Variants in GALNT9 observed in about 807,000 individuals in gnomAD.
GALNT9 encodes polypeptide N-acetylgalactosaminyltransferase 9.
Under a neutral mutation model 63.1 loss-of-function variants are expected in GALNT9, and 47 were observed. The observed-to-expected ratio is 0.75, with a 90% CI of 0.59 to 0.95. The LOEUF is 0.95. GALNT9 is among the 40% of genes least tolerant of loss of function. The probability of loss-of-function intolerance (pLI) is 0.00; values close to 1 mark genes in which losing one functional copy is unlikely to be tolerated. For missense variants in GALNT9, 829 were observed against 874.8 expected, an observed-to-expected ratio of 0.95 and a Z score of 0.66; for synonymous variants, 396 against 365.7, an observed-to-expected ratio of 1.08 and a Z score of -0.94.
At position 132,196,681 on chromosome 12, in the gene GALNT9, G is replaced by T. The variant is rs1290075386; in HGVS notation, c.*426C>A. 1.0e-6 allele frequency: 1 copy of T among 1,003,074 alleles called. No individual in the cohort carries two copies. Among genetic ancestry groups the T allele is most frequent in the East Asian group, 1.1e-4 (1 of 9,342 alleles). The allele number at this position is 1,003,074 out of a possible 1,614,324, so 62.1% of individuals were successfully genotyped here. ...TGGTTGGAGGGCTGAGCGGCCGCAA[G>T]TGCTGGGGGAGGCTGCTTGGAGCAT... On this transcript the variant is annotated 3_prime_UTR_variant, in exon 11 of 11. Coordinates refer to ENST00000328957, the MANE Select transcript of GALNT9 (RefSeq NM_001122636.2).
In GALNT9 at chr12:132,196,383, G is replaced by A. The variant is rs111429378; in HGVS notation, c.*724C>T. 6.9e-3 allele frequency: 6,540 copies of A among 952,328 alleles called. 236 individuals are homozygous for A. In the African/African-American group the frequency reaches 0.087, roughly 13 times the overall value. The allele number at this position is 952,328 out of a possible 1,614,324, so 59.0% of individuals were successfully genotyped here. A position where few individuals can be genotyped will look rare whatever the true frequency, so the allele number is the denominator to read the frequency against. ...AGTAAGCAACTGGGTGTGGCTGGGC[G>A]CCAATAAAACTGTATTTATTAAAAC... is the stretch of plus-strand genomic sequence containing the variant. On this transcript the variant is annotated 3_prime_UTR_variant, in exon 11 of 11. Coordinates refer to ENST00000328957, the MANE Select transcript of GALNT9 (RefSeq NM_001122636.2).
intron 1 of GALNT9, among the ~76,000 whole-genome samples, chr12:132,320,772 C>T (rs1230282527): frequency 4.6e-5 from 7 of 152,276 alleles, no homozygotes; most frequent in Non-Finnish European, 4.4e-5. Context: ...TCAGCCCACC[C>T]TCATCTCAGA....
At chr12:132,326,626 G>C (rs1555246530) in intron 1 of GALNT9, among the ~76,000 whole-genome samples, 1 of 152,224 alleles carries the variant, frequency 6.6e-6, no homozygotes, top group Non-Finnish European at 1.5e-5. Flanking sequence ...GCCAGCAGAG[G>C]AATTCCAGGA....
At chr12:132,208,547 T>C (rs1876823301) in intron 6 of GALNT9, among the ~76,000 whole-genome samples, 1 of 152,164 alleles carries the variant, frequency 6.6e-6, no homozygotes, top group Non-Finnish European at 1.5e-5. Context: ...CTCACACCGA[T>C]CTCTGTCTTG....
intron 5 of GALNT9, among the ~76,000 whole-genome samples, chr12:132,250,780 A>T (rs1320856604): frequency 6.8e-6 from 1 of 146,754 alleles, no homozygotes; most frequent in East Asian, 2.0e-4. Context: ...GACAGAGGGG[A>T]TTCCGTCTCA....
intron 6 of GALNT9, among the ~76,000 whole-genome samples, chr12:132,228,913 G>A (rs1437543296): frequency 6.6e-6 from 1 of 152,142 alleles, no homozygotes; most frequent in Non-Finnish European, 1.5e-5. Flanking sequence ...TTCTACCGTC[G>A]CAGAAATGTA....
intron 1 of GALNT9, among the ~76,000 whole-genome samples, chr12:132,290,649 A>G (rs374309512): frequency 2.3e-4 from 24 of 105,534 alleles, no homozygotes; most frequent in African/African-American, 1.0e-3. Flanking sequence ...CACCACCCAC[A>G]TCCACAGCGC....
chr12:132,200,940 T>C, intron 8 of GALNT9, 184 bp downstream of exon 8: 1 of 595,352 alleles, frequency 1.7e-6, no homozygotes, highest in Non-Finnish European at 3.0e-6. Context: ...TGCATCACCG[T>C]GAATGCACAC....
chr12:132,207,834 G>A (rs955090739), intron 6 of GALNT9, among the ~76,000 whole-genome samples: 1 of 152,098 alleles, frequency 6.6e-6, no homozygotes, highest in Non-Finnish European at 1.5e-5. Context: ...TGATAAAGTC[G>A]GAGAGTGAAC....
At chr12:132,215,258 G>A (rs1428643643) in intron 6 of GALNT9, among the ~76,000 whole-genome samples, 1 of 152,236 alleles carries the variant, frequency 6.6e-6, no homozygotes, top group Non-Finnish European at 1.5e-5. Context: ...AGGCTCTCAG[G>A]GACAAAAGTA....
intron 1 of GALNT9, among the ~76,000 whole-genome samples, chr12:132,290,144 C>T (rs1555242568): frequency 2.0e-5 from 3 of 152,128 alleles, no homozygotes; most frequent in Admixed American, 2.0e-4. Context: ...ACCTCCCTGA[C>T]TCAGGGCTTG....
intron 1 of GALNT9, among the ~76,000 whole-genome samples, chr12:132,289,232 G>T (rs1555242482): frequency 2.0e-5 from 3 of 152,062 alleles, no homozygotes; most frequent in African/African-American, 7.2e-5. Flanking sequence ...TTCCCCTCCC[G>T]GTTTATCTCC....
At chr12:132,275,360 C>T (rs889967054) in intron 2 of GALNT9, 3 of 152,376 alleles carry the variant, frequency 2.0e-5, no homozygotes, top group African/African-American at 7.2e-5. Context: ...CAATCAGAGC[C>T]AGGAGAGGTT....
intron 2 of GALNT9, among the ~76,000 whole-genome samples, chr12:132,262,859 C>T (rs1879456569): frequency 6.6e-6 from 1 of 152,098 alleles, no homozygotes; most frequent in Non-Finnish European, 1.5e-5. Flanking sequence ...TCGAGGGTCA[C>T]TGGACAAGGC....
Position 132,310,295 on chromosome 12 carries a change from G to A in GALNT9, c.238+18671C>T, listed in dbSNP as rs544246980. Among the ~76,000 whole-genome samples, 5 of 152,282 alleles carry A rather than the reference G, an allele frequency of 3.3e-5. No homozygotes were observed. The highest frequency in any genetic ancestry group is 2.1e-4 in the South Asian group (1 of 4,820). ...GCATTTCAGTTGGGGTCGGTAACAC[G>A]CAGAAGTAAAGGAACTGAGGCATGC... On this transcript the variant is annotated intron_variant, in intron 1 of 10. Coordinates refer to ENST00000328957, the MANE Select transcript of GALNT9 (RefSeq NM_001122636.2). This position sits in a 1 kb window ranked among gnomAD's most constrained non-coding sequence, Gnocchi z 4.8.
intron 5 of GALNT9, among the ~76,000 whole-genome samples, chr12:132,255,384 C>A (rs782062138): frequency 6.6e-6 from 1 of 152,214 alleles, no homozygotes; most frequent in African/African-American, 2.4e-5. Context: ...GGGAACTCAA[C>A]ATTCTGTAGA....
At chr12:132,240,465 C>T in intron 6 of GALNT9, 1 of 375,400 alleles carries the variant, frequency 2.7e-6, no homozygotes, top group Non-Finnish European at 5.2e-6. Context: ...CAGAACGGAG[C>T]AAGAATAGCC....
At chr12:132,258,091 C>T (rs1566002291) in intron 4 of GALNT9, among the ~76,000 whole-genome samples, 1 of 152,208 alleles carries the variant, frequency 6.6e-6, no homozygotes, top group Non-Finnish European at 1.5e-5. Flanking sequence ...GGCCTCACCC[C>T]TGCTGGGGTA....
At chr12:132,241,085 C>A (rs1591588630) in intron 6 of GALNT9, among the ~76,000 whole-genome samples, 2 of 137,262 alleles carry the variant, frequency 1.5e-5, no homozygotes, top group African/African-American at 2.8e-5. Context: ...ACACACCCTT[C>A]CCGGGGCCCT....
Sources: allele counts gnomAD v4.1 joint callset (sites outside exome capture counted in the v4.1 genomes callset), GRCh38; gene constraint gnomAD v4.1.1; non-coding constraint Gnocchi (gnomAD v3.1); transcripts MANE v1.5; gene names NCBI Gene and HGNC (gene_info 2026-07-23, HGNC 2026-07-21).